The following SPEF2 variants were observed in gnomAD, a reference collection of about 807,000 sequenced individuals.
The protein encoded by SPEF2 is sperm flagellar and cilia associated 2.
SPEF2 carries 187 observed loss-of-function variants against 224.6 expected under a neutral mutation model. The ratio of observed to expected loss-of-function variants is 0.83; its 90% CI spans 0.74 to 0.94. The LOEUF (loss-of-function observed/expected upper bound fraction) is 0.94, where lower values mean the gene tolerates loss of function less well. Among genes scored for constraint, SPEF2 ranks in the 40% least tolerant of loss-of-function variants. The pLI, the probability that SPEF2 is intolerant of heterozygous loss-of-function variation, is 0.00. For synonymous variants in SPEF2, 715 were observed against 707.3 expected, an observed-to-expected ratio of 1.01 and a Z score of -0.17; for missense variants, 2,170 against 2,135.6, an observed-to-expected ratio of 1.02 and a Z score of -0.32.
At chr5:35,736,922 TAA>T (rs70973057) in intron 21 of SPEF2, among the ~76,000 whole-genome samples, 2 of 151,608 alleles carry the variant, frequency 1.3e-5, no homozygotes, top group Non-Finnish European at 1.5e-5. Context: ...TCCAAAAAAA[TAA>T]AAAAAAACAC....
intron 10 of SPEF2, among the ~76,000 whole-genome samples, chr5:35,687,479 A>T (rs1175096088): frequency 6.7e-6 from 1 of 149,312 alleles, no homozygotes; most frequent in African/African-American, 2.5e-5. Context: ...TTTTTTTGAG[A>T]TGGAGTCTAG....
chr5:35,793,037 C>T, intron 31 of SPEF2, 122 bp from the exon 32 acceptor site: 1 of 823,078 alleles, frequency 1.2e-6, no homozygotes, highest in South Asian at 1.8e-5. Context: ...AGAACTGATT[C>T]TATGTGCCAG....
At chr5:35,738,817 G>T (rs1163488688) in intron 21 of SPEF2, among the ~76,000 whole-genome samples, 3 of 151,968 alleles carry the variant, frequency 2.0e-5, no homozygotes, top group African/African-American at 7.2e-5. Context: ...GTCTACTGCT[G>T]CAGGCTTCAT....
rs1162843101 is a variant in SPEF2, at chr5:35,642,063, C to T, written c.414+380C>T. On this transcript the variant is annotated intron_variant, in intron 3 of 36. Transcript: ENST00000356031. ...ACAGGCCTAATACTTTTTGTGCCTG[C>T]TCCTCTCTTCCTGTTTCTACCCCAT... is the stretch of plus-strand genomic sequence containing the variant. Among the ~76,000 whole-genome samples, 5 of 152,186 alleles carry T rather than the reference C, an allele frequency of 3.3e-5. No individual in the cohort carries two copies. In the East Asian group the frequency reaches 9.7e-4, roughly 29 times the overall value.
chr5:35,636,992 GAAAA>G (rs952567105), intron 2 of SPEF2, among the ~76,000 whole-genome samples: 1 of 147,440 alleles, frequency 6.8e-6, no homozygotes, highest in Non-Finnish European at 1.5e-5. Flanking sequence ...AAAAAAAAAA[GAAAA>G]AAGAAAAGAA....
At chr5:35,701,679 A>T (rs1738671921) in intron 16 of SPEF2, among the ~76,000 whole-genome samples, 1 of 152,146 alleles carries the variant, frequency 6.6e-6, no homozygotes, top group Non-Finnish European at 1.5e-5. Context: ...AGTAATGCAA[A>T]TGATTCGTGT....
At chr5:35,759,807 T>G in intron 25 of SPEF2, 88 bp downstream of exon 25, 1 of 1,258,060 alleles carries the variant, frequency 7.9e-7, no homozygotes, top group Non-Finnish European at 1.1e-6. Context: ...AAAATCACAC[T>G]CCTTTATCTG....
intron 20 of SPEF2, among the ~76,000 whole-genome samples, chr5:35,725,883 A>G (rs946370977): frequency 2.6e-5 from 4 of 152,142 alleles, no homozygotes; most frequent in East Asian, 1.9e-4. Flanking sequence ...ATGTACCTTC[A>G]CCATATGCTA....
intron 4 of SPEF2, among the ~76,000 whole-genome samples, chr5:35,645,885 CTA>C (rs1747303049): frequency 6.6e-6 from 1 of 152,008 alleles, no homozygotes; most frequent in African/African-American, 2.4e-5. Context: ...AGAAAATTGT[CTA>C]TAATGTATGC....
intron 7 of SPEF2, 42 bp downstream of exon 7, chr5:35,654,768 T>G: frequency 6.5e-7 from 1 of 1,546,816 alleles, no homozygotes; most frequent in Non-Finnish European, 8.7e-7. Context: ...TGCTGGGAAT[T>G]CTACAAAATG....
chr5:35,671,442 T>C (rs1338595921), intron 10 of SPEF2: 19 of 978,340 alleles, frequency 1.9e-5, no homozygotes, highest in Non-Finnish European at 2.3e-5. Flanking sequence ...GTTTGTTTTG[T>C]ACGGTTGTAA....
intron 21 of SPEF2, among the ~76,000 whole-genome samples, chr5:35,736,743 T>A (rs1477681781): frequency 6.6e-6 from 1 of 152,200 alleles, no homozygotes; most frequent in Non-Finnish European, 1.5e-5. Flanking sequence ...TGGTCTTGTT[T>A]GATGAGGGGA....
chr5:35,711,779 G>C (rs1411308565), intron 19 of SPEF2, among the ~76,000 whole-genome samples: 3 of 151,874 alleles, frequency 2.0e-5, no homozygotes, highest in Non-Finnish European at 4.4e-5. Context: ...AGTGAAATCT[G>C]CTAGGCATTT....
At chr5:35,767,930 C>T (rs6878544) in intron 26 of SPEF2, among the ~76,000 whole-genome samples, 3,034 of 152,080 alleles carry the variant, frequency 0.02, 124 homozygotes, top group African/African-American at 0.07. Flanking sequence ...GACCAGTTAA[C>T]TGTCTCTTTC....
Position 35,753,606 on chromosome 5 carries a change from C to A in SPEF2, c.3331-18C>A. 1.2e-6 allele frequency: 2 copies of A among 1,613,700 alleles called. No homozygotes were observed. Among genetic ancestry groups the A allele is most frequent in the Non-Finnish European group, 1.7e-6 (2 of 1,179,954 alleles). On this transcript the variant is annotated intron_variant, in intron 23 of 36. Coordinates refer to ENST00000356031, the MANE Select transcript of SPEF2 (RefSeq NM_024867.4). Reference sequence around the variant, plus strand: ...AGCAATCTAAAGCATAGCCACCATGCCTGTTTTTTCTGTTCAGGATCTGCG... The same window carrying A: ...AGCAATCTAAAGCATAGCCACCATGACTGTTTTTTCTGTTCAGGATCTGCG...
intron 8 of SPEF2, among the ~76,000 whole-genome samples, chr5:35,664,723 G>A (rs1052010155): frequency 1.4e-5 from 2 of 141,292 alleles, no homozygotes; most frequent in African/African-American, 5.7e-5. Context: ...AGAGAGGGAG[G>A]GAGAGAGAGG....
chr5:35,660,952 A>G (rs1216826510), intron 8 of SPEF2, among the ~76,000 whole-genome samples: 1 of 151,956 alleles, frequency 6.6e-6, no homozygotes, highest in East Asian at 1.9e-4. Flanking sequence ...TTCCTCTCAC[A>G]TGATTACCTT....
chr5:35,793,126 G>A (rs1386739015), intron 31 of SPEF2, 33 bp from the exon 32 acceptor site: 1 of 1,584,114 alleles, frequency 6.3e-7, no homozygotes, highest in Non-Finnish European at 8.6e-7. Flanking sequence ...GATTCATGTA[G>A]ATATTCCAAA....
At chr5:35,722,137 A>C (rs1743798992) in intron 20 of SPEF2, among the ~76,000 whole-genome samples, 1 of 151,922 alleles carries the variant, frequency 6.6e-6, no homozygotes, top group Non-Finnish European at 1.5e-5. Context: ...AGAACCTCTT[A>C]CTCTTATGCA....
Sources: gnomAD v4.1 joint callset for allele counts (sites outside exome capture counted in the v4.1 genomes callset) on GRCh38, gnomAD v4.1.1 for gene constraint, MANE v1.5 for transcripts, NCBI Gene and HGNC (gene_info 2026-07-23, HGNC 2026-07-21) for gene names.